MFSD2B: variants seen among roughly 807,000 people sequenced by gnomAD.
MFSD2B encodes MFSD2 lysolipid transporter B, sphingolipid.
MFSD2B carries 56 observed loss-of-function variants against 58.4 expected under a neutral mutation model. The ratio of observed to expected loss-of-function variants is 0.96; its 90% CI spans 0.77 to 1.20. The LOEUF (loss-of-function observed/expected upper bound fraction) is 1.20. Among genes scored for constraint, MFSD2B ranks in the 50% most tolerant of loss-of-function variants. The probability of loss-of-function intolerance (pLI) is 0.00; values close to 1 mark genes in which losing one functional copy is unlikely to be tolerated. For missense variants in MFSD2B, 645 were observed against 667.6 expected (o/e 0.97, Z 0.37); for synonymous variants, 287 against 294.4 (o/e 0.97, Z 0.26).
chr2:24,022,313 T>C lies in MFSD2B; in HGVS notation c.895-120T>C. On this transcript the variant is annotated intron_variant, in intron 8 of 13. Transcript: ENST00000338315. The surrounding 1 kb of genome is among the most constrained non-coding windows in gnomAD (Gnocchi z 4.5). ...GTCCTTTGTGGGGGAAGGGACTGTATGATGGTAGCAGCAAGCCAAGGTCCC... is the reference window on the plus strand; with the variant it reads ...GTCCTTTGTGGGGGAAGGGACTGTACGATGGTAGCAGCAAGCCAAGGTCCC... 1.2e-6 allele frequency: 1 copy of C among 811,466 alleles called. No homozygotes were observed. The highest frequency in any genetic ancestry group is 2.1e-6 in the Non-Finnish European group (1 of 481,374). 50.3% of individuals were successfully genotyped at this position (811,466 alleles called of 1,614,324 possible). A position where few individuals can be genotyped will look rare whatever the true frequency, so the allele number is the denominator to read the frequency against.
rs1331610798 is a variant in MFSD2B at position 24,013,430 on chromosome 2, C to T, written c.222+20C>T. ...GCACAGGTAAGTGTGGGCAGTAGCCCAGTCTCTGCTGGCATCTTCCTTGGG... is the reference window on the plus strand; with the variant it reads ...GCACAGGTAAGTGTGGGCAGTAGCCTAGTCTCTGCTGGCATCTTCCTTGGG... On this transcript the variant is annotated intron_variant, in intron 2 of 13. Transcript: ENST00000338315. 1 of 1,584,068 alleles carries T rather than the reference C, an allele frequency of 6.3e-7. No individual in the cohort carries two copies. Among genetic ancestry groups the T allele is most frequent in the Admixed American group, 1.7e-5 (1 of 58,022 alleles).
In MFSD2B at chr2:24,022,993, G is replaced by C. The variant is rs1342856166; in HGVS notation, c.1059+91G>C. 35 of 1,389,208 alleles carry C rather than the reference G, an allele frequency of 2.5e-5. No homozygotes were observed. The highest frequency in any genetic ancestry group is 3.5e-5 in the Non-Finnish European group (35 of 990,492). 86.1% of individuals were successfully genotyped at this position (1,389,208 alleles called of 1,614,324 possible). Reference sequence around the variant, plus strand: ...TGCCTGAGCCTCCTGGGGCCAGCAGGGGTGGATCTGTGTTCCCTTGAGTCT... The same window carrying C: ...TGCCTGAGCCTCCTGGGGCCAGCAGCGGTGGATCTGTGTTCCCTTGAGTCT... On this transcript the variant is annotated intron_variant, in intron 10 of 13. Transcript: ENST00000338315. This position sits in a 1 kb window ranked among gnomAD's most constrained non-coding sequence, Gnocchi z 4.5.
rs764740091 is a variant in MFSD2B, at chr2:24,024,061, G to C, written c.1314-34G>C. On this transcript the variant is annotated intron_variant, in intron 12 of 13. Coordinates refer to ENST00000338315, the MANE Select transcript of MFSD2B (RefSeq NM_001346880.2). The surrounding 1 kb of genome is among the most constrained non-coding windows in gnomAD (Gnocchi z 4.3). ...CCACCCAGGGTGCCAGGCTCAGCAG[G>C]CCCTGCCCTAATGGCTGGCTGATGT... 2.5e-6 allele frequency: 4 copies of C among 1,609,636 alleles called. No individual in the cohort carries two copies. The highest frequency in any genetic ancestry group is 3.4e-6 in the Non-Finnish European group (4 of 1,177,376).
rs1179113465 is a variant in MFSD2B, at chr2:24,010,108, C to T, written c.12C>T (p.Pro4=). Residue 4 remains proline (P), a synonymous_variant, in exon 1 of 14, where the codon CCC becomes CCT. Transcript: ENST00000338315. MAA[P]PAPAAKGSPQ... ...GCGCTGCGGTGGCAATGGCGGCGCC[C>T]CCTGCACCAGCCGCCAAGGGGTCCC... is the stretch of plus-strand genomic sequence containing the variant. 1.4e-6 allele frequency: 2 copies of T among 1,458,554 alleles called. No homozygotes were observed. Among genetic ancestry groups the T allele is most frequent in the Admixed American group, 2.4e-5 (1 of 41,262 alleles). The allele number at this position is 1,458,554 out of a possible 1,614,324, so 90.4% of individuals were successfully genotyped here. A position where few individuals can be genotyped will look rare whatever the true frequency, so the allele number is the denominator to read the frequency against.
chr2:24,025,083 C>A (rs1443383714), intron 13 of MFSD2B, among the ~76,000 whole-genome samples: 2 of 152,240 alleles, frequency 1.3e-5, no homozygotes, highest in East Asian at 3.8e-4. Context: ...AATGTTCACA[C>A]AAGTAAGGTC....
In MFSD2B at chr2:24,023,084, C is replaced by T. The variant is rs746504129; in HGVS notation, c.1060-46C>T. The T allele has an allele frequency of 2.6e-6, 4 of 1,517,876 alleles. No homozygotes were observed. In the South Asian group the frequency reaches 3.4e-5, roughly 13 times the overall value. The allele number at this position is 1,517,876 out of a possible 1,614,324, so 94.0% of individuals were successfully genotyped here. ...GAGTCGTGTGTGAAGGAGCAGGCCC[C>T]ACGAAGAAGCAGGTGGCGGGACAGC... On this transcript the variant is annotated intron_variant, in intron 10 of 13. Transcript: ENST00000338315. The surrounding 1 kb of genome is among the most constrained non-coding windows in gnomAD (Gnocchi z 5.0).
intron 2 of MFSD2B, among the ~76,000 whole-genome samples, chr2:24,014,035 T>C (rs1490064302): frequency 6.7e-6 from 1 of 149,932 alleles, no homozygotes; most frequent in Admixed American, 6.7e-5. Flanking sequence ...TTTTTTGAGA[T>C]GGAGTCTCGC....
rs542300486 is a variant in MFSD2B, at chr2:24,012,275, G to A, written c.97-1010G>A. ...ATTATTTATTTATTTATTTATGACT[G>A]AGTCTCTGTCACCCAGGCTGGAGTG... On this transcript the variant is annotated intron_variant, in intron 1 of 13. Coordinates refer to ENST00000338315, the MANE Select transcript of MFSD2B (RefSeq NM_001346880.2). This position sits in a 1 kb window ranked among gnomAD's most constrained non-coding sequence, Gnocchi z 4.5. Among the ~76,000 whole-genome samples, 110 of 152,098 alleles carry A rather than the reference G, an allele frequency of 7.2e-4. No individual in the cohort carries two copies. The highest frequency in any genetic ancestry group is 6.8e-3 in the Middle Eastern group (2 of 294).
intron 6 of MFSD2B, chr2:24,018,318 CACA>C (rs959784912): frequency 2.4e-4 from 41 of 170,722 alleles, no homozygotes; most frequent in African/African-American, 9.7e-4. Context: ...CTCTCCACCC[CACA>C]ACTGCTGCCT....
rs192466898 is a variant in MFSD2B, at chr2:24,012,648, G to T, written c.97-637G>T. Among the ~76,000 whole-genome samples, 26 of 152,352 alleles carry T rather than the reference G, an allele frequency of 1.7e-4. No individual in the cohort carries two copies. In the East Asian group the frequency reaches 4.6e-3, roughly 27 times the overall value. ...TTCACTGATAGACAAGAACTGGAAA[G>T]AAGAATAGATGACTCCTAAGTTTGT... is the stretch of plus-strand genomic sequence containing the variant. On this transcript the variant is annotated intron_variant, in intron 1 of 13. Coordinates refer to ENST00000338315, the MANE Select transcript of MFSD2B (RefSeq NM_001346880.2). The surrounding 1 kb of genome is among the most constrained non-coding windows in gnomAD (Gnocchi z 4.5).
Position 24,022,842 on chromosome 2 carries a change from C to A in MFSD2B, c.999C>A (p.Thr333=), listed in dbSNP as rs1662845474. ...LTVLVSAVLS[T]PLWEWVLQRF... Reference sequence around the variant, plus strand: ...CACAGGTCTCAGCCGTGCTGAGCACCCCGCTGTGGGAGTGGGTTCTCCAGC... The same window carrying A: ...CACAGGTCTCAGCCGTGCTGAGCACACCGCTGTGGGAGTGGGTTCTCCAGC... The change falls in exon 10 of 14, where the codon ACC becomes ACA. Residue 333 remains threonine (T), a synonymous_variant. Transcript: ENST00000338315. This position sits in a 1 kb window ranked among gnomAD's most constrained non-coding sequence, Gnocchi z 4.5. 1 of 1,607,356 alleles carries A rather than the reference C, an allele frequency of 6.2e-7. No homozygotes were observed. Among genetic ancestry groups the A allele is most frequent in the Non-Finnish European group, 8.5e-7 (1 of 1,177,166 alleles).
At position 24,012,170 on chromosome 2, in the gene MFSD2B, ACAC is replaced by A. The variant is rs142292021; in HGVS notation, c.97-1114_97-1112del. Among the ~76,000 whole-genome samples, 57,027 of 139,288 alleles carry A rather than the reference ACAC, an allele frequency of 0.41. 11,871 individuals carry two copies. Among genetic ancestry groups the A allele is most frequent in the East Asian group, 0.66 (3,094 of 4,690 alleles). The allele number at this position is 139,288 out of a possible 152,430, so 91.4% of individuals were successfully genotyped here. ...AAACAAAACACACACACACACACAC[ACAC>A]ACACACAAAAACAGACAAAAAAACC... On this transcript the variant is annotated intron_variant, in intron 1 of 13. Transcript: ENST00000338315. This position sits in a 1 kb window ranked among gnomAD's most constrained non-coding sequence, Gnocchi z 4.5.
At chr2:24,015,956 G>A (rs1425160833) in intron 2 of MFSD2B, among the ~76,000 whole-genome samples, 200 bp from the exon 3 acceptor site, 1 of 152,218 alleles carries the variant, frequency 6.6e-6, no homozygotes, top group Non-Finnish European at 1.5e-5. Context: ...ATGGGAGTGT[G>A]CAGGGCGGCA....
At position 24,016,836 on chromosome 2, in the gene MFSD2B, C is replaced by G; in HGVS notation, c.348-9C>G. The G allele has an allele frequency of 6.2e-7, 1 of 1,612,798 alleles. No individual in the cohort carries two copies. The highest frequency in any genetic ancestry group is 1.1e-5 in the South Asian group (1 of 91,086). On this transcript the variant is annotated splice_polypyrimidine_tract_variant and intron_variant, in intron 3 of 13. Transcript: ENST00000338315. The stretch of plus-strand genomic sequence containing the variant: ...GGGGGGCCGCTCCACCTCGGCTGTG[C>G]TTCCGCAGGGTGCTGGGCTGCACCC...
intron 1 of MFSD2B, 166 bp from the exon 2 acceptor site, chr2:24,013,119 C>T (rs1307851657): frequency 2.1e-5 from 11 of 523,392 alleles, no homozygotes; most frequent in African/African-American, 3.8e-5. Context: ...TTTTTCTCTT[C>T]GTCTCACTTC....
Position 24,016,189 on chromosome 2 carries a change from G to C in MFSD2B, c.256G>C (p.Gly86Arg). 6.2e-7 allele frequency: 1 copy of C among 1,613,894 alleles called. No individual in the cohort carries two copies. The highest frequency in any genetic ancestry group is 8.5e-7 in the Non-Finnish European group (1 of 1,179,870). The change falls in exon 3 of 14, where the codon GGG (glycine) becomes CGG (arginine). Residue 86 changes from glycine (G) to arginine (R), a missense_variant. Gly to Arg is a moderately radical substitution (Grantham distance 125, BLOSUM62 -2). Transcript: ENST00000338315. ...CGCCCAGGTGTCACTTGTTCTGTTT[G>C]GGGGAAAAGTGTCTGGGGCGGCTGC... The part of the protein sequence containing the change: ...PAAQVSLVLF[G>R]GKVSGAAADP...
In MFSD2B at chr2:24,022,286, G is replaced by C; in HGVS notation, c.895-147G>C. ...GTGTTTGTATCTGTGTTGGGGATAA[G>C]TGTCCTTTGTGGGGGAAGGGACTGT... On this transcript the variant is annotated intron_variant, in intron 8 of 13. Coordinates refer to ENST00000338315, the MANE Select transcript of MFSD2B (RefSeq NM_001346880.2). The surrounding 1 kb of genome is among the most constrained non-coding windows in gnomAD (Gnocchi z 4.5). 1.4e-6 allele frequency: 1 copy of C among 725,982 alleles called. No homozygotes were observed. Among genetic ancestry groups the C allele is most frequent in the South Asian group, 1.5e-5 (1 of 65,246 alleles). 45.0% of individuals were successfully genotyped at this position (725,982 alleles called of 1,614,324 possible). A position where few individuals can be genotyped will look rare whatever the true frequency, so the allele number is the denominator to read the frequency against.
chr2:24,016,404 C>A, intron 3 of MFSD2B, 124 bp downstream of exon 3: 1 of 1,054,558 alleles, frequency 9.5e-7, no homozygotes, highest in Non-Finnish European at 1.4e-6. Flanking sequence ...TGGATAATAT[C>A]GCAGGTGCAC....
At chr2:24,025,386 C>G in intron 13 of MFSD2B, 46 bp from the exon 14 acceptor site, 1 of 1,528,812 alleles carries the variant, frequency 6.5e-7, no homozygotes, top group Non-Finnish European at 8.8e-7. Flanking sequence ...GACAGAGGGC[C>G]CACACCACTT....
Sources: gnomAD v4.1 joint callset for allele counts (sites outside exome capture counted in the v4.1 genomes callset) on GRCh38, gnomAD v4.1.1 for gene constraint, Gnocchi (gnomAD v3.1) non-coding constraint, MANE v1.5 for transcripts, NCBI Gene and HGNC (gene_info 2026-07-23, HGNC 2026-07-21) for gene names.